Variants in MTRR observed in about 807,000 individuals in gnomAD.
MTRR encodes methionine synthase reductase.
MTRR carries 63 observed loss-of-function variants against 79.2 expected under a neutral mutation model. The ratio of observed to expected loss-of-function variants is 0.80; its 90% CI spans 0.65 to 0.98. The LOEUF (loss-of-function observed/expected upper bound fraction) is 0.98, where lower values mean the gene tolerates loss of function less well. Among genes scored for constraint, MTRR ranks in the 50% least tolerant of loss-of-function variants. MTRR has a pLI of 0.00. For synonymous variants in MTRR, 355 were observed against 313.3 expected (o/e 1.13, Z -1.41); for missense variants, 895 against 839.6 (o/e 1.07, Z -0.82).
At position 7,883,223 on chromosome 5, in the gene MTRR, A is replaced by G. The variant is rs1464577162; in HGVS notation, c.849A>G (p.Gln283=). 8 of 1,614,254 alleles carry G rather than the reference A, an allele frequency of 5.0e-6. No homozygotes were observed. The East Asian group carries it at 6.7e-5, about 13-fold the overall frequency. ...VFQVPISKAV[Q]LTTNDAIKTT... is the part of the protein sequence containing the mutation. Reference sequence around the variant, plus strand: ...AAGTGCCAATTTCAAAGGCAGTTCAACTTACTACGAATGATGCCATAAAAA... The same window carrying G: ...AAGTGCCAATTTCAAAGGCAGTTCAGCTTACTACGAATGATGCCATAAAAA... The change falls in exon 6 of 15, where the codon CAA becomes CAG. Residue 283 remains glutamine, a synonymous_variant. Coordinates refer to ENST00000440940, the MANE Select transcript of MTRR (RefSeq NM_002454.3).
chr5:7,880,806 C>T (rs1735452699), intron 5 of MTRR, among the ~76,000 whole-genome samples: 1 of 152,214 alleles, frequency 6.6e-6, no homozygotes, highest in Admixed American at 6.5e-5. Context: ...CATTTACCGC[C>T]TGGCCCCCAT....
rs372829698 is a variant in MTRR, at chr5:7,887,793, C to CATATATAT, written c.1146+1121_1146+1128dup. ...GTATATATTTGTGTGTGTGTGTGTG[C>CATATATAT]ATATATATATATATATATATATATA... On this transcript the variant is annotated intron_variant, in intron 8 of 14. Transcript: ENST00000440940. Among the ~76,000 whole-genome samples, 557 of 91,818 alleles carry CATATATAT rather than the reference C, an allele frequency of 6.1e-3. 6 individuals carry two copies. The highest frequency in any genetic ancestry group is 8.5e-3 in the African/African-American group (155 of 18,224). The allele number at this position is 91,818 out of a possible 152,430, so 60.2% of individuals were successfully genotyped here. A position where few individuals can be genotyped will look rare whatever the true frequency, so the allele number is the denominator to read the frequency against.
chr5:7,888,532 G>C (rs531363121), intron 8 of MTRR, among the ~76,000 whole-genome samples: 111 of 152,170 alleles, frequency 7.3e-4, no homozygotes, highest in African/African-American at 2.6e-3. Flanking sequence ...GGAGGAACAC[G>C]TGTAATTTGT....
Position 7,894,578 on chromosome 5 carries a change from C to G in MTRR, c.1558-1156C>G, listed in dbSNP as rs1738183220. 1.3e-5 allele frequency among the ~76,000 whole-genome samples: 2 copies of G among 152,360 alleles called. 1 individual carries two copies. Among genetic ancestry groups the G allele is most frequent in the South Asian group, 4.1e-4 (2 of 4,832 alleles). On this transcript the variant is annotated intron_variant, in intron 11 of 14. Transcript: ENST00000440940. ...TTTTCTTTTCTGCCAGGAATATGCT[C>G]TGGCATGGCTAACTCCCTTGATTCA...
At chr5:7,851,024 C>G, upstream of MTRR, 1 of 1,251,282 alleles carries the variant, frequency 8.0e-7, no homozygotes, top group Non-Finnish European at 1.0e-6. Flanking sequence ...TCCTCCATGC[C>G]GCCACCGTCC....
chr5:7,854,456 AT>A lies in MTRR; in HGVS notation n.391+2872del, dbSNP rs1488594058. Among the ~76,000 whole-genome samples the A allele has an allele frequency of 2.0e-5, 3 of 152,226 alleles. No homozygotes were observed. The East Asian group carries it at 5.8e-4, about 29-fold the overall frequency. On this transcript the variant is annotated intron_variant and non_coding_transcript_variant, in intron 1 of 3. Coordinates refer to the MTRR transcript ENST00000502509. ...TCGTTTTCACTCTGCTGATAAAGAC[AT>A]ACCCAAGACTGGGATGAAAAGAGGT...
upstream of MTRR, among the ~76,000 whole-genome samples, chr5:7,864,979 A>C (rs1746834914): frequency 6.6e-6 from 1 of 152,224 alleles, no homozygotes; most frequent in African/African-American, 2.4e-5. Context: ...CTCCAAGTGC[A>C]TCAATAGTAG....
intron 1 of MTRR, chr5:7,870,314 A>T (rs1747725120): frequency 5.2e-6 from 1 of 191,854 alleles, no homozygotes; most frequent in Non-Finnish European, 1.1e-5. Context: ...TTTTACTTTT[A>T]TCTTTTTTTA....
In MTRR at chr5:7,892,901, C is replaced by T. The variant is rs183712612; in HGVS notation, c.1545C>T (p.Ala515=). 1.2e-6 allele frequency: 2 copies of T among 1,614,096 alleles called. No individual in the cohort carries two copies. Among genetic ancestry groups the T allele is most frequent in the African/African-American group, 2.7e-5 (2 of 75,044 alleles). Residue 515 remains alanine (A), a synonymous_variant, in exon 11 of 15, where the codon GCC becomes GCT. Transcript: ENST00000440940. ...IHASHEDSGK[A]LAPKISISPR... is the part of the protein sequence containing the mutation. ...CATCCCATGAAGACAGCGGGAAAGCCCTGGCTCCTAAGGTAAGAAATTAGT... is the reference window on the plus strand; with the variant it reads ...CATCCCATGAAGACAGCGGGAAAGCTCTGGCTCCTAAGGTAAGAAATTAGT...
At chr5:7,866,504 G>T, upstream of MTRR, 1 of 661,542 alleles carries the variant, frequency 1.5e-6, no homozygotes, top group Non-Finnish European at 2.6e-6. Context: ...GTTTATGCCA[G>T]CATCTGTTAA....
intron 10 of MTRR, 102 bp from the exon 11 acceptor site, chr5:7,892,625 G>A (rs916310326): frequency 2.4e-6 from 3 of 1,264,262 alleles, no homozygotes; most frequent in Non-Finnish European, 3.5e-6. Context: ...GTAGATTAGA[G>A]CCTATAAGGA....
chr5:7,872,266 G>A (rs1222466237), intron 2 of MTRR: 4 of 454,422 alleles, frequency 8.8e-6, no homozygotes, highest in East Asian at 7.0e-5. Context: ...AGCCAAATTC[G>A]ATGGTGTTCA....
chr5:7,854,385 T>C (rs551864590), intron 1 of MTRR, among the ~76,000 whole-genome samples: 12 of 151,970 alleles, frequency 7.9e-5, no homozygotes, highest in African/African-American at 2.9e-4. Context: ...TATGGGAGTT[T>C]ATTAAGGAGT....
chr5:7,885,156 T>G (rs1561221259), intron 6 of MTRR: 1 of 159,328 alleles, frequency 6.3e-6, no homozygotes. Context: ...GGTGACTTTT[T>G]CAGCCCATGT....
chr5:7,891,873 T>C (rs1441131983), intron 10 of MTRR, among the ~76,000 whole-genome samples: 1 of 152,042 alleles, frequency 6.6e-6, no homozygotes, highest in East Asian at 1.9e-4. Flanking sequence ...AAACCCCGTC[T>C]CTACTAAAAA....
chr5:7,883,527 C>T (rs1735929404), intron 6 of MTRR, among the ~76,000 whole-genome samples: 1 of 133,358 alleles, frequency 7.5e-6, no homozygotes, highest in Middle Eastern at 4.2e-3. Flanking sequence ...TGCTTGGTTA[C>T]ATATGCTGAG....
intron 5 of MTRR, 49 bp from the exon 6 acceptor site, chr5:7,883,106 G>A (rs1421640759): frequency 6.2e-7 from 1 of 1,613,354 alleles, no homozygotes; most frequent in South Asian, 1.1e-5. Flanking sequence ...ATTGAAAGAA[G>A]GGTATAATTG....
intron 2 of MTRR, chr5:7,862,727 T>C: frequency 9.1e-7 from 1 of 1,095,430 alleles, no homozygotes; most frequent in East Asian, 2.4e-5. Flanking sequence ...CCATTTTGCA[T>C]TTCCAGAGAA....
chr5:7,867,386 C>G (rs375098518), upstream of MTRR: 3 of 1,614,080 alleles, frequency 1.9e-6, no homozygotes, highest in Non-Finnish European at 2.5e-6. Context: ...TAGTGTCACA[C>G]AACCTGAACT....
Sources: allele counts gnomAD v4.1 joint callset (sites outside exome capture counted in the v4.1 genomes callset), GRCh38; gene constraint gnomAD v4.1.1; transcripts MANE v1.5; gene names NCBI Gene and HGNC (gene_info 2026-07-23, HGNC 2026-07-21).